The following NDUFA9 variants were observed in gnomAD, a reference collection of about 807,000 sequenced individuals.
NDUFA9 encodes NADH dehydrogenase [ubiquinone] 1 alpha subcomplex subunit 9, mitochondrial.
In NDUFA9, 23 loss-of-function variants were observed where a neutral mutation model predicts 45.9. That is an observed-to-expected ratio of 0.50 (90% CI 0.36 to 0.71). The LOEUF is 0.71. Among genes scored for constraint, NDUFA9 ranks in the 30% least tolerant of loss-of-function variants. The pLI is 0.00. For missense variants in NDUFA9, 466 were observed against 488.2 expected, an observed-to-expected ratio of 0.95 and a Z score of 0.43; for synonymous variants, 176 against 170.5, an observed-to-expected ratio of 1.03 and a Z score of -0.25.
intron 5 of NDUFA9, among the ~76,000 whole-genome samples, chr12:4,662,262 TCTA>T (rs1945827324): frequency 1.3e-5 from 2 of 152,206 alleles, no homozygotes; most frequent in Admixed American, 1.3e-4. Flanking sequence ...CTGAAGAAAT[TCTA>T]CTTTGATTTT....
At position 4,686,696 on chromosome 12, in the gene NDUFA9, G is replaced by T. The variant is rs933092396; in HGVS notation, c.964-242G>T. ...TGTAGTGCCAACATCCTGTGCTCGC[G>T]GCTGCCACTGGGGACCTCGATCTGA... On this transcript the variant is annotated intron_variant, in intron 10 of 10. Transcript: ENST00000266544. 2.6e-5 allele frequency among the ~76,000 whole-genome samples: 4 copies of T among 152,052 alleles called. No individual in the cohort carries two copies. In the South Asian group the frequency reaches 8.3e-4, roughly 32 times the overall value.
Position 4,688,605 on chromosome 12 carries a change from C to T in NDUFA9, c.*1497C>T, listed in dbSNP as rs1946001534. The T allele has an allele frequency of 6.6e-6, 1 of 152,166 alleles. No individual in the cohort carries two copies. Among genetic ancestry groups the T allele is most frequent in the Admixed American group, 6.5e-5 (1 of 15,270 alleles). The allele number at this position is 152,166 out of a possible 1,614,324, so 9.4% of individuals were successfully genotyped here. A position where few individuals can be genotyped will look rare whatever the true frequency, so the allele number is the denominator to read the frequency against. Reference sequence around the variant, plus strand: ...CACATTACAGTATGAGAAGCACTGCCATACAGAAGAGCTGTATCAGAGTTC... The same window carrying T: ...CACATTACAGTATGAGAAGCACTGCTATACAGAAGAGCTGTATCAGAGTTC... On this transcript the variant is annotated 3_prime_UTR_variant, in exon 11 of 11. Coordinates refer to ENST00000266544, the MANE Select transcript of NDUFA9 (RefSeq NM_005002.5).
intron 10 of NDUFA9, among the ~76,000 whole-genome samples, chr12:4,685,890 A>T (rs1315159072): frequency 6.6e-6 from 1 of 152,112 alleles, no homozygotes; most frequent in Non-Finnish European, 1.5e-5. Flanking sequence ...AAAATACTAT[A>T]CCAATACCAC....
At chr12:4,662,497 C>G (rs1945828614) in intron 5 of NDUFA9, 36 bp from the exon 6 acceptor site, 1 of 1,535,034 alleles carries the variant, frequency 6.5e-7, no homozygotes, top group Non-Finnish European at 9.0e-7. Flanking sequence ...TCACTTGTCT[C>G]TAAACTCAAA....
rs961872469 is a variant in NDUFA9 at position 4,657,961 on chromosome 12, G to A, written c.410+122G>A. The A allele has an allele frequency of 9.0e-6, 7 of 780,154 alleles. No homozygotes were observed. The African/African-American group carries it at 1.2e-4, about 13-fold the overall frequency. The allele number at this position is 780,154 out of a possible 1,614,324, so 48.3% of individuals were successfully genotyped here. On this transcript the variant is annotated intron_variant, in intron 4 of 10. Coordinates refer to ENST00000266544, the MANE Select transcript of NDUFA9 (RefSeq NM_005002.5). ...CATTTTCAATTAGTGAATAAGGGTTGGTTGAACAACCACTTGCATACCCAG... is the reference window on the plus strand; with the variant it reads ...CATTTTCAATTAGTGAATAAGGGTTAGTTGAACAACCACTTGCATACCCAG...
chr12:4,653,669 T>C (rs1281490841), intron 1 of NDUFA9: 1 of 443,224 alleles, frequency 2.3e-6, no homozygotes, highest in Non-Finnish European at 4.5e-6. Flanking sequence ...TGTTCTTCAG[T>C]GGTTTTATAG....
chr12:4,678,044 C>T (rs1945930708), intron 8 of NDUFA9, among the ~76,000 whole-genome samples: 1 of 152,116 alleles, frequency 6.6e-6, no homozygotes, highest in South Asian at 2.1e-4. Flanking sequence ...AACACAAGAA[C>T]AGAAAACCAA....
At chr12:4,680,877 A>G (rs1945948096) in intron 8 of NDUFA9, among the ~76,000 whole-genome samples, 2 of 152,244 alleles carry the variant, frequency 1.3e-5, no homozygotes, top group Non-Finnish European at 2.9e-5. Context: ...AATGCATTAT[A>G]AGCACTGATA....
At chr12:4,664,793 G>A in intron 6 of NDUFA9, among the ~76,000 whole-genome samples, 1 of 152,212 alleles carries the variant, frequency 6.6e-6, no homozygotes, top group East Asian at 1.9e-4. Flanking sequence ...TTGATTTTTA[G>A]TAGCCACCCT....
At chr12:4,674,601 A>G (rs1029881134) in intron 8 of NDUFA9, among the ~76,000 whole-genome samples, 4 of 152,240 alleles carry the variant, frequency 2.6e-5, no homozygotes, top group Admixed American at 6.5e-5. Flanking sequence ...AAAGGGATCA[A>G]TGCAACAAGA....
intron 10 of NDUFA9, 103 bp from the exon 11 acceptor site, chr12:4,686,835 A>G (rs1945989518): frequency 4.5e-6 from 5 of 1,109,330 alleles, no homozygotes; most frequent in Non-Finnish European, 6.3e-6. Flanking sequence ...TTAAGTCTCA[A>G]TAATAGGACT....
At chr12:4,661,718 T>C (rs1195305469) in intron 5 of NDUFA9, among the ~76,000 whole-genome samples, 4 of 150,724 alleles carry the variant, frequency 2.7e-5, no homozygotes, top group Non-Finnish European at 5.9e-5. Flanking sequence ...ACTAGAGTTC[T>C]TGAGAAGGTT....
At position 4,687,575 on chromosome 12, in the gene NDUFA9, A is replaced by C. The variant is rs898019067; in HGVS notation, c.*467A>C. 1 of 152,472 alleles carries C rather than the reference A, an allele frequency of 6.6e-6. No individual in the cohort carries two copies. Among genetic ancestry groups the C allele is most frequent in the African/African-American group, 2.4e-5 (1 of 41,472 alleles). 9.4% of individuals were successfully genotyped at this position (152,472 alleles called of 1,614,324 possible). A position where few individuals can be genotyped will look rare whatever the true frequency, so the allele number is the denominator to read the frequency against. Reference sequence around the variant, plus strand: ...TAATGTCCATATGCCTTTTAAAAATAGTAGTACATATATAGAAAAACATTG... The same window carrying C: ...TAATGTCCATATGCCTTTTAAAAATCGTAGTACATATATAGAAAAACATTG... On this transcript the variant is annotated 3_prime_UTR_variant, in exon 11 of 11. Transcript: ENST00000266544.
chr12:4,673,094 C>G (rs1326620935), intron 8 of NDUFA9, among the ~76,000 whole-genome samples: 4 of 152,182 alleles, frequency 2.6e-5, no homozygotes, highest in Non-Finnish European at 5.9e-5. Flanking sequence ...CAAACAGGGT[C>G]TGGTGTGGAC....
At chr12:4,668,414 A>G (rs1284937007) in intron 6 of NDUFA9, 43 bp from the exon 7 acceptor site, 1 of 1,476,082 alleles carries the variant, frequency 6.8e-7, no homozygotes, top group Non-Finnish European at 9.5e-7. Flanking sequence ...TCTTACAGCA[A>G]TTTAAGCCTT....
intron 6 of NDUFA9, chr12:4,667,518 T>C: frequency 4.1e-6 from 1 of 242,506 alleles, no homozygotes; most frequent in South Asian, 3.6e-5. Flanking sequence ...TACTCTTTTT[T>C]TTTTTTTTTT....
At chr12:4,657,591 T>G in intron 3 of NDUFA9, 157 bp from the exon 4 acceptor site, 1 of 608,850 alleles carries the variant, frequency 1.6e-6, no homozygotes, top group South Asian at 1.9e-5. Flanking sequence ...GTCTGAGATG[T>G]CATTTCTGTT....
At chr12:4,682,970 G>T (rs1199677727) in intron 9 of NDUFA9, among the ~76,000 whole-genome samples, 1 of 152,098 alleles carries the variant, frequency 6.6e-6, no homozygotes, top group Non-Finnish European at 1.5e-5. Context: ...GGTGGAGGTG[G>T]GGTGATGCAA....
At chr12:4,676,215 C>G (rs1207414252) in intron 8 of NDUFA9, among the ~76,000 whole-genome samples, 2 of 152,180 alleles carry the variant, frequency 1.3e-5, no homozygotes, top group Non-Finnish European at 2.9e-5. Context: ...GAAGCATTCC[C>G]TTTGAAAATC....
Sources: allele counts gnomAD v4.1 joint callset (sites outside exome capture counted in the v4.1 genomes callset), GRCh38; gene constraint gnomAD v4.1.1; transcripts MANE v1.5; gene names NCBI Gene and HGNC (gene_info 2026-07-23, HGNC 2026-07-21).